The following ELAVL4 variants were observed in gnomAD, a reference collection of about 807,000 sequenced individuals.
ELAVL4 encodes the protein ELAV-like protein 4.
In ELAVL4, 1 loss-of-function variant was observed where a neutral mutation model predicts 35.6. The ratio of observed to expected loss-of-function variants is 0.03; its 90% CI spans 0.01 to 0.13. ELAVL4 has a LOEUF of 0.13. Among genes scored for constraint, ELAVL4 ranks in the 10% least tolerant of loss-of-function variants. The pLI, the probability that ELAVL4 is intolerant of heterozygous loss-of-function variation, is 1.00. For synonymous variants in ELAVL4, 156 were observed against 171.0 expected (o/e 0.91, Z 0.69); for missense variants, 267 against 464.9 (o/e 0.57, Z 3.91).
At chr1:50,054,546 C>G (rs971985775) in intron 1 of ELAVL4, among the ~76,000 whole-genome samples, 6 of 152,032 alleles carry the variant, frequency 3.9e-5, no homozygotes, top group African/African-American at 1.5e-4. Context: ...TTAGAAGACT[C>G]ATACCATAGA....
At chr1:50,097,668 A>G (rs1665777716) in intron 1 of ELAVL4, among the ~76,000 whole-genome samples, 2 of 152,168 alleles carry the variant, frequency 1.3e-5, no homozygotes, top group Admixed American at 6.5e-5. Flanking sequence ...TATAAGGCCC[A>G]TTGTTCTAGG....
chr1:50,144,585 A>G (rs1166837752), intron 1 of ELAVL4: 2 of 472,758 alleles, frequency 4.2e-6, no homozygotes, highest in Non-Finnish European at 4.1e-6. Context: ...TTCAGCTTTA[A>G]TGGAACTATA....
chr1:50,179,475 C>T (rs1385694345), intron 3 of ELAVL4: 6 of 152,074 alleles, frequency 3.9e-5, no homozygotes, highest in Non-Finnish European at 7.4e-5. Context: ...AAAAAGCAAA[C>T]CCCTTTTGTA....
chr1:50,083,887 G>T (rs1357483140), intron 1 of ELAVL4, among the ~76,000 whole-genome samples: 1 of 152,164 alleles, frequency 6.6e-6, no homozygotes, highest in Non-Finnish European at 1.5e-5. Context: ...ATAACTACTT[G>T]TTTGGTATTT....
intron 1 of ELAVL4, among the ~76,000 whole-genome samples, chr1:50,120,013 TA>T (rs939784918): frequency 4.0e-5 from 6 of 151,520 alleles, no homozygotes; most frequent in African/African-American, 1.5e-4. Flanking sequence ...GGGGGAAAAA[TA>T]AGGTAATTTC....
intron 3 of ELAVL4, among the ~76,000 whole-genome samples, chr1:50,190,633 T>A (rs1328393528): frequency 6.6e-6 from 1 of 152,206 alleles, no homozygotes; most frequent in Admixed American, 6.5e-5. Flanking sequence ...TCTCTGGAGA[T>A]GTGTTGCAGT....
At chr1:50,158,900 T>C (rs1676230176) in intron 2 of ELAVL4, among the ~76,000 whole-genome samples, 1 of 151,866 alleles carries the variant, frequency 6.6e-6, no homozygotes, top group Non-Finnish European at 1.5e-5. Flanking sequence ...AAGCTGTGCA[T>C]GGTGGCAGGC....
At chr1:50,064,832 A>G (rs4394702) in intron 1 of ELAVL4, among the ~76,000 whole-genome samples, 151,447 of 152,320 alleles carry the variant, frequency 0.99, 75,293 homozygotes, top group Middle Eastern at 1. Flanking sequence ...CTTACTTTTC[A>G]TCTCTTACTG....
intron 2 of ELAVL4, among the ~76,000 whole-genome samples, chr1:50,163,937 C>A (rs950749179): frequency 7.4e-4 from 112 of 152,304 alleles, no homozygotes; most frequent in African/African-American, 2.6e-3. Context: ...AACCAGGGCA[C>A]AGCAGAAAGT....
chr1:50,061,241 T>C (rs1382010440), intron 1 of ELAVL4, among the ~76,000 whole-genome samples: 1 of 152,250 alleles, frequency 6.6e-6, no homozygotes, highest in Non-Finnish European at 1.5e-5. Context: ...TTTGACTCTT[T>C]GCTGGGCTTG....
chr1:50,120,830 T>G (rs1011042181), intron 1 of ELAVL4, among the ~76,000 whole-genome samples: 8 of 152,060 alleles, frequency 5.3e-5, no homozygotes, highest in African/African-American at 1.9e-4. Flanking sequence ...GTACACTGCA[T>G]TCTCTCACCA....
intron 3 of ELAVL4, among the ~76,000 whole-genome samples, chr1:50,186,842 A>AAAG (rs10677542): frequency 0.89 from 135,992 of 151,950 alleles, 62,059 homozygotes; most frequent in East Asian, 1. Context: ...ACCTCTGATA[A>AAAG]AATAGCACGT....
At chr1:50,068,290 A>C (rs1169359438) in intron 1 of ELAVL4, among the ~76,000 whole-genome samples, 1 of 152,180 alleles carries the variant, frequency 6.6e-6, no homozygotes. Context: ...GTCTTCATGC[A>C]AGAGCAGTCC....
chr1:50,109,633 C>A, intron 1 of ELAVL4: 1 of 425,860 alleles, frequency 2.3e-6, no homozygotes, highest in Admixed American at 3.8e-5. Flanking sequence ...ATTTAAACCT[C>A]GAGAGGCAGC....
chr1:50,142,818 C>T (rs1462199591), intron 1 of ELAVL4, among the ~76,000 whole-genome samples: 5 of 152,074 alleles, frequency 3.3e-5, no homozygotes, highest in South Asian at 2.1e-4. Flanking sequence ...TTGTACATAA[C>T]GCTCATAGCA....
intron 1 of ELAVL4, among the ~76,000 whole-genome samples, chr1:50,095,260 A>T (rs1372828911): frequency 6.6e-6 from 1 of 152,136 alleles, no homozygotes; most frequent in East Asian, 1.9e-4. Context: ...ACTAGACTAG[A>T]TAAGTCCCTT....
rs375864396 is a variant in ELAVL4 at position 50,073,002 on chromosome 1, C to T, written c.18+24820C>T. Among the ~76,000 whole-genome samples, 45 of 152,276 alleles carry T rather than the reference C, an allele frequency of 3.0e-4. 1 individual carries two copies. The South Asian group carries it at 8.5e-3, about 29-fold the overall frequency. The stretch of plus-strand genomic sequence containing the variant: ...TAGTCCCCATCTATACCCAGTTTCA[C>T]CTCAGTTAGTAGTTATTAAGATGAA... On this transcript the variant is annotated intron_variant, in intron 1 of 6. Coordinates refer to the ELAVL4 transcript ENST00000448907.
At chr1:50,197,279 G>A (rs920301635) in intron 5 of ELAVL4, 150 bp from the exon 6 acceptor site, 1 of 639,372 alleles carries the variant, frequency 1.6e-6, no homozygotes, top group Non-Finnish European at 2.5e-6. Flanking sequence ...AGACAGAAAA[G>A]GGGGAAACTA....
At chr1:50,197,406 A>G (rs377061786) in intron 5 of ELAVL4, 23 bp from the exon 6 acceptor site, 25 of 1,583,758 alleles carry the variant, frequency 1.6e-5, no homozygotes, top group African/African-American at 1.4e-4. Flanking sequence ...GCATTAACCC[A>G]GAGACCCTCC....
Sources: gnomAD v4.1 joint callset for allele counts (sites outside exome capture counted in the v4.1 genomes callset) on GRCh38, gnomAD v4.1.1 for gene constraint, MANE v1.5 for transcripts, NCBI Gene and HGNC (gene_info 2026-07-23, HGNC 2026-07-21) for gene names.